ASTN2: variants seen among roughly 807,000 people sequenced by gnomAD.
ASTN2 encodes astrotactin 2, also known as astrotactin-2.
ASTN2 carries 54 observed loss-of-function variants against 139.8 expected under a neutral mutation model. That is an observed-to-expected ratio of 0.39 (90% CI 0.31 to 0.48). The LOEUF (loss-of-function observed/expected upper bound fraction) is 0.48, where lower values mean the gene tolerates loss of function less well. ASTN2 is among the 20% of genes least tolerant of loss of function. The pLI, the probability that ASTN2 is intolerant of heterozygous loss-of-function variation, is 0.95. For missense variants in ASTN2, 1,565 were observed against 1,725.1 expected, an observed-to-expected ratio of 0.91 and a Z score of 1.64; for synonymous variants, 756 against 719.5, an observed-to-expected ratio of 1.05 and a Z score of -0.81.
intron 4 of ASTN2, among the ~76,000 whole-genome samples, chr9:117,130,995 T>G (rs147130423): frequency 6.6e-6 from 1 of 152,340 alleles, no homozygotes; most frequent in African/African-American, 2.4e-5. Context: ...CATGGGAAAT[T>G]GTAAAGCTTC....
Position 116,698,641 on chromosome 9 carries a change from C to T in ASTN2, c.2806+27130G>A, listed in dbSNP as rs1010496243. 3.7e-6 allele frequency: 6 copies of T among 1,614,048 alleles called. No individual in the cohort carries two copies. Among genetic ancestry groups the T allele is most frequent in the Non-Finnish European group, 5.1e-6 (6 of 1,180,044 alleles). ...GGACAAGCTGTTAAGAAGCCCCGGA[C>T]AGTTAACGTGGAAGATTCCTGGGCC... On this transcript the variant is annotated intron_variant, in intron 16 of 22. Transcript: ENST00000313400. This position sits in a 1 kb window ranked among gnomAD's most constrained non-coding sequence, Gnocchi z 4.4.
At chr9:116,753,954 C>G (rs909945885) in intron 13 of ASTN2, among the ~76,000 whole-genome samples, 1 of 151,958 alleles carries the variant, frequency 6.6e-6, no homozygotes, top group South Asian at 2.1e-4. Context: ...GAGCCCCACA[C>G]CTTGCAACAG....
At chr9:116,537,768 A>T (rs1282979221) in intron 19 of ASTN2, among the ~76,000 whole-genome samples, 1 of 152,214 alleles carries the variant, frequency 6.6e-6, no homozygotes, top group Non-Finnish European at 1.5e-5. Flanking sequence ...ATACTAACAT[A>T]GAATCAAAAA....
intron 10 of ASTN2, among the ~76,000 whole-genome samples, chr9:116,873,315 G>C (rs1196619422): frequency 6.6e-6 from 1 of 152,232 alleles, no homozygotes; most frequent in Non-Finnish European, 1.5e-5. Context: ...GCTTCCAGGG[G>C]AGGGATAGGG....
chr9:117,236,126 T>C (rs921801931), intron 2 of ASTN2, among the ~76,000 whole-genome samples: 59 of 152,146 alleles, frequency 3.9e-4, no homozygotes, highest in African/African-American at 1.3e-3. Flanking sequence ...CTGAGGCACA[T>C]TCACCAAATG....
Position 116,863,837 on chromosome 9 carries a change from A to G in ASTN2, c.1890-104T>C, listed in dbSNP as rs1832955083. ...CATTTGAAACCATAACTTACTTATA[A>G]TCAGGAAAACAATAATAATCAATAT... is the stretch of plus-strand genomic sequence containing the variant. On this transcript the variant is annotated intron_variant, in intron 10 of 22. Transcript: ENST00000313400. 4 of 1,217,430 alleles carry G rather than the reference A, an allele frequency of 3.3e-6. No homozygotes were observed. The South Asian group carries it at 7.0e-5, about 21-fold the overall frequency. 75.4% of individuals were successfully genotyped at this position (1,217,430 alleles called of 1,614,324 possible).
intron 3 of ASTN2, among the ~76,000 whole-genome samples, chr9:117,170,644 G>T (rs972163857): frequency 6.6e-6 from 1 of 152,124 alleles, no homozygotes. Context: ...TATGGGGAAA[G>T]TAACATGTAT....
intron 3 of ASTN2, among the ~76,000 whole-genome samples, chr9:117,173,436 A>C (rs2132930501): frequency 6.6e-6 from 1 of 152,258 alleles, no homozygotes; most frequent in South Asian, 2.1e-4. Context: ...TAATTAGAAA[A>C]TGTACAGTGT....
intron 19 of ASTN2, 25 bp from the exon 20 acceptor site, chr9:116,487,525 G>A (rs1849379422): frequency 6.2e-6 from 10 of 1,609,700 alleles, no homozygotes; most frequent in African/African-American, 1.3e-5. Flanking sequence ...AGAAAGATGA[G>A]CTCCCCAGCT....
In ASTN2 at chr9:116,590,331, A is replaced by C. The variant is rs1043024573; in HGVS notation, c.3355+27993T>G. ...CGCTTCAAGCAGCCCCTCCAATTTC[A>C]GATCAAAGTTGAGGTTGGGCCCAGG... On this transcript the variant is annotated intron_variant, in intron 19 of 22. Transcript: ENST00000313400. 1.3e-5 allele frequency among the ~76,000 whole-genome samples: 2 copies of C among 152,208 alleles called. 1 individual carries two copies.
At chr9:117,134,266 TTATATA>T (rs5900267) in intron 4 of ASTN2, among the ~76,000 whole-genome samples, 1,039 of 92,576 alleles carry the variant, frequency 0.011, 14 homozygotes, top group African/African-American at 0.027. Context: ...CTAATGAAAA[TTATATA>T]TATATATATA....
chr9:117,147,083 A>T (rs1564449235), intron 3 of ASTN2, among the ~76,000 whole-genome samples: 2 of 152,132 alleles, frequency 1.3e-5, no homozygotes, highest in Non-Finnish European at 2.9e-5. Context: ...AAGGGGGTGG[A>T]CCCTGAGTCA....
At chr9:116,439,231 C>A in intron 22 of ASTN2, among the ~76,000 whole-genome samples, 1 of 68,844 alleles carries the variant, frequency 1.5e-5, no homozygotes. Flanking sequence ...GACGGAGTCT[C>A]GCTCTGTCGC....
intron 1 of ASTN2, among the ~76,000 whole-genome samples, chr9:117,294,065 C>A (rs1834665782): frequency 6.6e-6 from 1 of 152,200 alleles, no homozygotes; most frequent in Non-Finnish European, 1.5e-5. Context: ...CCTGAAATCC[C>A]ACTATTAAAG....
chr9:116,474,564 C>T (rs987675593), intron 20 of ASTN2, among the ~76,000 whole-genome samples: 1 of 152,180 alleles, frequency 6.6e-6, no homozygotes, highest in Non-Finnish European at 1.5e-5. Flanking sequence ...CTCAAGACTG[C>T]TCACAACCTC....
At chr9:117,033,225 C>T (rs1015487891) in intron 6 of ASTN2, among the ~76,000 whole-genome samples, 20 of 152,198 alleles carry the variant, frequency 1.3e-4, no homozygotes, top group East Asian at 1.9e-4. Context: ...TCAAACCAAA[C>T]GCTTCTCTTC....
At position 116,620,334 on chromosome 9, in the gene ASTN2, T is replaced by C. The variant is rs1228103620; in HGVS notation, c.3182A>G (p.Asn1061Ser). Residue 1061 changes from asparagine (N) to serine (S), a missense_variant, in exon 18 of 23, where the codon AAC becomes AGC. Asn to Ser is a conservative substitution (Grantham distance 46). Coordinates refer to ENST00000313400, the MANE Select transcript of ASTN2 (RefSeq NM_001365068.1). ...CACCGGCTGCAGAAGGGGGCTGCAG[T>C]TGGGGAGCCCATTGGCATCAAAGGC... ...LSAFDANGLPNCSPLLQPVLR... is the reference protein window; with the variant it reads ...LSAFDANGLPSCSPLLQPVLR... 3 of 1,614,034 alleles carry C rather than the reference T, an allele frequency of 1.9e-6. No individual in the cohort carries two copies. The highest frequency in any genetic ancestry group is 2.5e-6 in the Non-Finnish European group (3 of 1,180,002).
intron 1 of ASTN2, among the ~76,000 whole-genome samples, chr9:117,371,272 G>A (rs1045201087): frequency 4.6e-5 from 7 of 152,220 alleles, no homozygotes; most frequent in East Asian, 1.9e-4. Context: ...TGGACATTCC[G>A]CACACAACTG....
At chr9:117,118,748 T>C (rs1370187986) in intron 4 of ASTN2, among the ~76,000 whole-genome samples, 2 of 152,188 alleles carry the variant, frequency 1.3e-5, no homozygotes, top group African/African-American at 4.8e-5. Flanking sequence ...CACCCTGGTC[T>C]TCCTGCAGGC....
Sources: gnomAD v4.1 joint callset for allele counts (sites outside exome capture counted in the v4.1 genomes callset) on GRCh38, gnomAD v4.1.1 for gene constraint, Gnocchi (gnomAD v3.1) non-coding constraint, MANE v1.5 for transcripts, NCBI Gene and HGNC (gene_info 2026-07-23, HGNC 2026-07-21) for gene names.